The following SGCZ variants were observed in gnomAD, a reference collection of about 807,000 sequenced individuals.
SGCZ encodes the protein sarcoglycan zeta, also known as zeta-sarcoglycan.
SGCZ carries 40 observed loss-of-function variants against 41.3 expected under a neutral mutation model. The observed-to-expected ratio is 0.97, with a 90% CI of 0.75 to 1.26. The LOEUF is 1.26. Among genes scored for constraint, SGCZ ranks in the 50% most tolerant of loss-of-function variants. SGCZ has a pLI of 0.00. For missense variants in SGCZ, 552 were observed against 369.8 expected (o/e 1.49, Z -4.04); for synonymous variants, 206 against 137.5 (o/e 1.50, Z -3.49).
At chr8:14,198,935 G>T (rs1382315968) in intron 4 of SGCZ, among the ~76,000 whole-genome samples, 1 of 152,116 alleles carries the variant, frequency 6.6e-6, no homozygotes, top group Non-Finnish European at 1.5e-5. Context: ...ATCTTCGTAA[G>T]CTGAGGATGT....
intron 1 of SGCZ, among the ~76,000 whole-genome samples, chr8:15,186,882 T>C (rs974737302): frequency 6.6e-6 from 1 of 152,166 alleles, no homozygotes; most frequent in Non-Finnish European, 1.5e-5. Context: ...CAGATCTTAT[T>C]GGCTTTATTG....
At position 14,550,850 on chromosome 8, in the gene SGCZ, C is replaced by T. The variant is rs187361059; in HGVS notation, c.234+3882G>A. On this transcript the variant is annotated intron_variant, in intron 2 of 7. Transcript: ENST00000382080. ...TGGAGAAAATATCGTAAAATGATCTCTTGTAATGTACAGATAGTTGTTCTA... is the reference window on the plus strand; with the variant it reads ...TGGAGAAAATATCGTAAAATGATCTTTTGTAATGTACAGATAGTTGTTCTA... Among the ~76,000 whole-genome samples the T allele has an allele frequency of 5.3e-5, 8 of 152,096 alleles. No homozygotes were observed. In the East Asian group the frequency reaches 1.4e-3, roughly 26 times the overall value.
chr8:14,789,882 G>T (rs191344046), intron 1 of SGCZ, among the ~76,000 whole-genome samples: 8 of 151,718 alleles, frequency 5.3e-5, no homozygotes, highest in African/African-American at 1.7e-4. Flanking sequence ...ATTAATTTTC[G>T]CTTCTTCAAT....
intron 1 of SGCZ, among the ~76,000 whole-genome samples, chr8:14,648,706 G>C (rs979837377): frequency 5.9e-5 from 9 of 151,868 alleles, no homozygotes; most frequent in Non-Finnish European, 1.2e-4. Context: ...GTGTGCAAGA[G>C]ACTCATATTA....
At chr8:15,180,671 G>T (rs1034939282) in intron 1 of SGCZ, among the ~76,000 whole-genome samples, 3 of 151,834 alleles carry the variant, frequency 2.0e-5, no homozygotes, top group Non-Finnish European at 4.4e-5. Context: ...GGATCATGAG[G>T]TCAAGAGTTC....
intron 1 of SGCZ, among the ~76,000 whole-genome samples, chr8:15,118,618 C>T (rs1047752792): frequency 3.9e-5 from 6 of 151,992 alleles, no homozygotes; most frequent in Non-Finnish European, 1.5e-5. Flanking sequence ...GGTCTCTTTT[C>T]AATAATGAAG....
chr8:14,824,575 C>G (rs923587785), intron 1 of SGCZ, among the ~76,000 whole-genome samples: 4 of 151,918 alleles, frequency 2.6e-5, no homozygotes, highest in African/African-American at 9.7e-5. Context: ...ACCATTTGAA[C>G]TTTTAAAGCC....
At chr8:14,097,828 T>G (rs1291233427) in intron 7 of SGCZ, among the ~76,000 whole-genome samples, 2 of 152,218 alleles carry the variant, frequency 1.3e-5, no homozygotes, top group East Asian at 3.9e-4. Flanking sequence ...CATTAATCTC[T>G]TTACCATTAT....
intron 1 of SGCZ, among the ~76,000 whole-genome samples, chr8:14,809,356 T>C (rs1346356569): frequency 1.3e-5 from 2 of 152,166 alleles, no homozygotes; most frequent in African/African-American, 4.8e-5. Flanking sequence ...TGAAAAACTT[T>C]GTTTTGCTGG....
chr8:14,499,685 G>A (rs1802093885), intron 2 of SGCZ, among the ~76,000 whole-genome samples: 1 of 151,726 alleles, frequency 6.6e-6, no homozygotes, highest in Non-Finnish European at 1.5e-5. Flanking sequence ...TTTTTCCAGT[G>A]TTTGCCTTCA....
intron 1 of SGCZ, among the ~76,000 whole-genome samples, chr8:14,565,317 T>G (rs769709708): frequency 4.6e-5 from 7 of 152,156 alleles, no homozygotes; most frequent in Non-Finnish European, 1.0e-4. Context: ...CAATGACTTT[T>G]TTTTTTTGAC....
At chr8:14,275,831 G>C (rs1800210748) in intron 3 of SGCZ, among the ~76,000 whole-genome samples, 1 of 152,132 alleles carries the variant, frequency 6.6e-6, no homozygotes. Context: ...ATCCACCCCT[G>C]TAGGAGTTAC....
At position 15,103,964 on chromosome 8, in the gene SGCZ, TC is replaced by T. The variant is rs565395816; in HGVS notation, c.39+133620del. Among the ~76,000 whole-genome samples, 16 of 152,180 alleles carry T rather than the reference TC, an allele frequency of 1.1e-4. 1 individual carries two copies. In the South Asian group the frequency reaches 3.3e-3, roughly 32 times the overall value. On this transcript the variant is annotated intron_variant, in intron 1 of 7. Coordinates refer to ENST00000382080, the MANE Select transcript of SGCZ (RefSeq NM_139167.4). ...GATAGAGCAATCCAGGCAACAGAAATCCCCTTTTAAGTGACCGTACGCTGGA... is the reference window on the plus strand; with the variant it reads ...GATAGAGCAATCCAGGCAACAGAAATCCCTTTTAAGTGACCGTACGCTGGA...
intron 1 of SGCZ, among the ~76,000 whole-genome samples, chr8:15,075,355 C>G (rs1363181806): frequency 6.6e-6 from 1 of 152,098 alleles, no homozygotes; most frequent in Non-Finnish European, 1.5e-5. Context: ...AAATGGCATT[C>G]ATTTTTAAAA....
At position 14,087,638 on chromosome 8, in the gene SGCZ, A is replaced by G. The variant is rs1410047473; in HGVS notation, c.*2805T>C. ...TAAGTAAACTGCATTTTATTTATAC[A>G]TATTGTAACATAAAGATGGTACTGG... is the stretch of plus-strand genomic sequence containing the variant. On this transcript the variant is annotated 3_prime_UTR_variant, in exon 8 of 8. Coordinates refer to ENST00000382080, the MANE Select transcript of SGCZ (RefSeq NM_139167.4). Among the ~76,000 whole-genome samples, 1 of 151,612 alleles carries G rather than the reference A, an allele frequency of 6.6e-6. No homozygotes were observed. The highest frequency in any genetic ancestry group is 2.4e-5 in the African/African-American group (1 of 41,338).
chr8:14,652,346 A>AGG (rs200127643), intron 1 of SGCZ, among the ~76,000 whole-genome samples: 5,722 of 50,542 alleles, frequency 0.11, 758 homozygotes, highest in African/African-American at 0.35. Context: ...AAAAAAAAAA[A>AGG]GGGGGGGGTG....
chr8:14,789,377 T>A (rs1392234953), intron 1 of SGCZ, among the ~76,000 whole-genome samples: 1 of 152,196 alleles, frequency 6.6e-6, no homozygotes. Context: ...CACAGGCACA[T>A]GTCTACAAAT....
intron 1 of SGCZ, among the ~76,000 whole-genome samples, chr8:14,799,508 G>A (rs574150107): frequency 1.3e-5 from 2 of 151,866 alleles, no homozygotes; most frequent in Admixed American, 1.3e-4. Context: ...TCTAACCCTG[G>A]CATGGTGATT....
intron 3 of SGCZ, among the ~76,000 whole-genome samples, chr8:14,291,807 T>C (rs1800849792): frequency 6.6e-6 from 1 of 151,986 alleles, no homozygotes; most frequent in East Asian, 1.9e-4. Flanking sequence ...AGGAGAATTA[T>C]TTATCAAAGT....
Sources: allele counts gnomAD v4.1 joint callset (sites outside exome capture counted in the v4.1 genomes callset), GRCh38; gene constraint gnomAD v4.1.1; transcripts MANE v1.5; gene names NCBI Gene and HGNC (gene_info 2026-07-23, HGNC 2026-07-21).